Variants in KLHL7 observed in about 807,000 individuals in gnomAD.
The protein encoded by KLHL7 is kelch like family member 7.
In KLHL7, 44 loss-of-function variants were observed where a neutral mutation model predicts 67.4. The ratio of observed to expected loss-of-function variants is 0.65; its 90% CI spans 0.51 to 0.84. The LOEUF (loss-of-function observed/expected upper bound fraction) is 0.84. KLHL7 is among the 40% of genes least tolerant of loss of function. KLHL7 has a pLI of 0.00. For synonymous variants in KLHL7, 252 were observed against 243.3 expected (o/e 1.04, Z -0.33); for missense variants, 362 against 718.1 (o/e 0.50, Z 5.67).
At chr7:23,142,115 G>A (rs1454565693) in intron 5 of KLHL7, among the ~76,000 whole-genome samples, 1 of 151,644 alleles carries the variant, frequency 6.6e-6, no homozygotes, top group Non-Finnish European at 1.5e-5. Flanking sequence ...TGTTGGCCAG[G>A]CTGGTCTCAA....
intron 7 of KLHL7, among the ~76,000 whole-genome samples, chr7:23,157,547 A>C (rs1394969356): frequency 6.6e-6 from 1 of 152,204 alleles, no homozygotes; most frequent in Non-Finnish European, 1.5e-5. Flanking sequence ...AGAGTAAATC[A>C]CATCCTGAGG....
chr7:23,106,261 C>T, intron 1 of KLHL7, 115 bp downstream of exon 1: 3 of 1,536,824 alleles, frequency 2.0e-6, no homozygotes, highest in East Asian at 2.5e-5. Flanking sequence ...TCTCTGTCCT[C>T]GCCCCTCCTT....
chr7:23,170,232 T>C (rs1348283609), intron 9 of KLHL7, among the ~76,000 whole-genome samples: 1 of 151,982 alleles, frequency 6.6e-6, no homozygotes, highest in Non-Finnish European at 1.5e-5. Flanking sequence ...AAAACAAAAA[T>C]AAAAACAAAA....
chr7:23,167,918 C>T lies in KLHL7; in HGVS notation c.1260C>T (p.Arg420=). The stretch of plus-strand genomic sequence containing the variant: ...CAAAGCCCAGCATGCTGACCCAGCG[C>T]TGCAGCCATGGGATGGTGGAAGCCA... The part of the protein sequence containing the change: ...WHTKPSMLTQ[R]CSHGMVEANG... Residue 420 remains arginine, a synonymous_variant, in exon 9 of 11, where the codon CGC becomes CGT. Coordinates refer to ENST00000339077, the MANE Select transcript of KLHL7 (RefSeq NM_001031710.3). 1 of 1,614,244 alleles carries T rather than the reference C, an allele frequency of 6.2e-7. No individual in the cohort carries two copies. Among genetic ancestry groups the T allele is most frequent in the South Asian group, 1.1e-5 (1 of 91,084 alleles).
chr7:23,150,085 G>A (rs986411569), intron 6 of KLHL7, among the ~76,000 whole-genome samples: 3 of 152,122 alleles, frequency 2.0e-5, no homozygotes, highest in African/African-American at 7.2e-5. Context: ...CTGAGCCTAA[G>A]AGTTCAAGGT....
chr7:23,153,436 C>T (rs1002277010), intron 7 of KLHL7, among the ~76,000 whole-genome samples: 1 of 152,150 alleles, frequency 6.6e-6, no homozygotes, highest in South Asian at 2.1e-4. Context: ...CCTTTGGAAC[C>T]TCCGTAAGCC....
intron 4 of KLHL7, among the ~76,000 whole-genome samples, chr7:23,131,245 A>G (rs1583668936): frequency 1.3e-5 from 2 of 152,356 alleles, no homozygotes; most frequent in South Asian, 4.1e-4. Context: ...TGCTAAATCA[A>G]ATGAAACAAG....
chr7:23,122,912 A>G (rs1412443345), intron 1 of KLHL7, among the ~76,000 whole-genome samples: 1 of 152,162 alleles, frequency 6.6e-6, no homozygotes, highest in East Asian at 1.9e-4. Context: ...TCTTTAATAC[A>G]TTGTATACAC....
chr7:23,107,123 A>G (rs1421375576), intron 1 of KLHL7, among the ~76,000 whole-genome samples: 2 of 152,236 alleles, frequency 1.3e-5, no homozygotes, highest in Admixed American at 1.3e-4. Flanking sequence ...TCTGGTTTCT[A>G]TAAGCAAACG....
At chr7:23,127,863 C>A (rs1468278416) in intron 4 of KLHL7, among the ~76,000 whole-genome samples, 1 of 148,234 alleles carries the variant, frequency 6.7e-6, no homozygotes, top group African/African-American at 2.5e-5. Flanking sequence ...GACAGTGAGA[C>A]CCTGTCTTGG....
chr7:23,112,892 A>T (rs1782931493), intron 1 of KLHL7, among the ~76,000 whole-genome samples: 1 of 152,188 alleles, frequency 6.6e-6, no homozygotes, highest in Non-Finnish European at 1.5e-5. Flanking sequence ...TGGGAAAGAT[A>T]TAGGTGTCTT....
intron 7 of KLHL7, among the ~76,000 whole-genome samples, chr7:23,159,068 C>T (rs1465622065): frequency 6.6e-6 from 1 of 152,106 alleles, no homozygotes; most frequent in Non-Finnish European, 1.5e-5. Context: ...TATTGTATAA[C>T]TGAATGGAAT....
intron 1 of KLHL7, 71 bp from the exon 2 acceptor site, chr7:23,123,706 C>G: frequency 1.0e-6 from 1 of 976,082 alleles, no homozygotes; most frequent in East Asian, 2.4e-5. Flanking sequence ...TTGGCAAGCA[C>G]CTTTTTAACA....
intron 1 of KLHL7, chr7:23,118,071 C>A: frequency 1.5e-6 from 2 of 1,363,916 alleles, no homozygotes; most frequent in South Asian, 1.2e-5. Flanking sequence ...AAAAGCTAAT[C>A]CTCATACAGT....
intron 7 of KLHL7, among the ~76,000 whole-genome samples, chr7:23,152,629 A>G (rs1194046524): frequency 6.6e-6 from 1 of 152,218 alleles, no homozygotes; most frequent in Non-Finnish European, 1.5e-5. Flanking sequence ...ACCCTAGAAA[A>G]CCACAAAGAA....
chr7:23,110,892 T>C (rs1027578857), intron 1 of KLHL7, among the ~76,000 whole-genome samples: 1 of 151,652 alleles, frequency 6.6e-6, no homozygotes, highest in African/African-American at 2.4e-5. Context: ...TTACTATTTA[T>C]TTATTACTCT....
chr7:23,167,843 A>T lies in KLHL7; in HGVS notation c.1185A>T (p.Ser395=), dbSNP rs765022079. The T allele has an allele frequency of 1.2e-6, 2 of 1,614,172 alleles. No individual in the cohort carries two copies. The highest frequency in any genetic ancestry group is 1.7e-6 in the Non-Finnish European group (2 of 1,180,002). ...YTSGGSEVGN[S]ALYLFECYDT... ...GGCCTTTTTCTTTTACAGGAAACTC[A>T]GCTCTGTATTTATTTGAGTGCTATG... The change falls in exon 9 of 11, where the codon TCA becomes TCT. Residue 395 remains serine (S), a synonymous_variant. Coordinates refer to ENST00000339077, the MANE Select transcript of KLHL7 (RefSeq NM_001031710.3).
intron 7 of KLHL7, among the ~76,000 whole-genome samples, chr7:23,158,058 C>T (rs1264684158): frequency 6.6e-6 from 1 of 152,152 alleles, no homozygotes; most frequent in Non-Finnish European, 1.5e-5. Context: ...CTTGACCTCC[C>T]AGGCTCAAGT....
chr7:23,140,463 A>G (rs1187035914), intron 4 of KLHL7, among the ~76,000 whole-genome samples: 2 of 152,176 alleles, frequency 1.3e-5, no homozygotes, highest in African/African-American at 4.8e-5. Context: ...AGGCTGAGGC[A>G]GGAGAATAGC....
Sources: gnomAD v4.1 joint callset for allele counts (sites outside exome capture counted in the v4.1 genomes callset) on GRCh38, gnomAD v4.1.1 for gene constraint, MANE v1.5 for transcripts, NCBI Gene and HGNC (gene_info 2026-07-23, HGNC 2026-07-21) for gene names.